Variants in RSPO2 observed in about 807,000 individuals in gnomAD.
RSPO2 encodes R-spondin-2.
A neutral mutation model predicts 30.9 loss-of-function variants in RSPO2; 14 were observed. The observed-to-expected ratio is 0.45, with a 90% CI of 0.30 to 0.71. The LOEUF (loss-of-function observed/expected upper bound fraction) is 0.71. RSPO2 is among the 30% of genes least tolerant of loss of function. The pLI is 0.08. For synonymous variants in RSPO2, 107 were observed against 96.4 expected (o/e 1.11, Z -0.64); for missense variants, 264 against 301.9 (o/e 0.87, Z 0.93).
intron 2 of RSPO2, among the ~76,000 whole-genome samples, chr8:108,015,728 C>T (rs1250408894): frequency 6.6e-6 from 1 of 152,096 alleles, no homozygotes; most frequent in Non-Finnish European, 1.5e-5. Context: ...CCACCAGCCC[C>T]ACTCCTTGTG....
rs35039484 is a variant in RSPO2 at position 107,935,813 on chromosome 8, A to AT, written c.616+22266dup. Among the ~76,000 whole-genome samples, 580 of 151,828 alleles carry AT rather than the reference A, an allele frequency of 3.8e-3. 4 individuals carry two copies. The highest frequency in any genetic ancestry group is 0.013 in the African/African-American group (559 of 41,408). ...GCATTTGGCAAATGGTGCAGACACC[A>AT]TTTTTTTTAAATCGATAACAAAATA... is the stretch of plus-strand genomic sequence containing the variant. On this transcript the variant is annotated intron_variant, in intron 5 of 5. Coordinates refer to ENST00000276659, the MANE Select transcript of RSPO2 (RefSeq NM_178565.5).
chr8:108,082,489 G>T (rs370029323), intron 2 of RSPO2, 56 bp downstream of exon 2: 5 of 1,367,034 alleles, frequency 3.7e-6, no homozygotes, highest in African/African-American at 1.4e-5. Flanking sequence ...GTGAGTGAGC[G>T]CCTCCACACG....
At chr8:108,065,289 GAAAAA>G (rs533689799) in intron 2 of RSPO2, among the ~76,000 whole-genome samples, 9 of 78,260 alleles carry the variant, frequency 1.2e-4, no homozygotes, top group Admixed American at 1.0e-3. Context: ...CTCAGAAATT[GAAAAA>G]AAAAAAAAAA....
intron 5 of RSPO2, among the ~76,000 whole-genome samples, chr8:107,938,371 C>A (rs1486111730): frequency 6.6e-6 from 1 of 152,132 alleles, no homozygotes. Flanking sequence ...TGAATTCCTA[C>A]AAGAATTACT....
intron 5 of RSPO2, among the ~76,000 whole-genome samples, chr8:107,902,023 C>CAGT (rs1811489686): frequency 6.6e-6 from 1 of 152,128 alleles, no homozygotes. Context: ...TATAGTTTTA[C>CAGT]AGTCTTACTT....
At chr8:107,912,464 G>T (rs1163788043) in intron 5 of RSPO2, among the ~76,000 whole-genome samples, 2 of 152,134 alleles carry the variant, frequency 1.3e-5, no homozygotes, top group Non-Finnish European at 2.9e-5. Flanking sequence ...ACACCCATGG[G>T]TACACACCCA....
rs1244908369 is a variant in RSPO2, at chr8:107,899,547, T to C, written c.*1528A>G. The C allele has an allele frequency of 1.3e-5, 2 of 152,588 alleles. No homozygotes were observed. The highest frequency in any genetic ancestry group is 4.8e-5 in the African/African-American group (2 of 41,436). 9.5% of individuals were successfully genotyped at this position (152,588 alleles called of 1,614,324 possible). On this transcript the variant is annotated 3_prime_UTR_variant, in exon 6 of 6. Transcript: ENST00000276659. ...ATAGCAATATTTTCATAACGATGTA[T>C]ATGATATTTATCCTTATTGGTAAGA...
chr8:108,029,615 A>G (rs978778457), intron 2 of RSPO2, among the ~76,000 whole-genome samples: 11 of 152,220 alleles, frequency 7.2e-5, no homozygotes, highest in African/African-American at 2.7e-4. Flanking sequence ...TACACTGCAA[A>G]GAATCTGCAA....
At chr8:108,005,245 C>T (rs1347615611) in intron 2 of RSPO2, among the ~76,000 whole-genome samples, 1 of 152,088 alleles carries the variant, frequency 6.6e-6, no homozygotes, top group Non-Finnish European at 1.5e-5. Flanking sequence ...ACTTTGATCA[C>T]TTGGTTAAGG....
At chr8:108,069,134 C>A (rs1812761515) in intron 2 of RSPO2, among the ~76,000 whole-genome samples, 1 of 152,022 alleles carries the variant, frequency 6.6e-6, no homozygotes, top group South Asian at 2.1e-4. Context: ...CAGAGTAAGT[C>A]AAAAATCAAT....
At chr8:108,054,091 G>C (rs766309468) in intron 2 of RSPO2, among the ~76,000 whole-genome samples, 2 of 152,134 alleles carry the variant, frequency 1.3e-5, no homozygotes, top group Non-Finnish European at 2.9e-5. Context: ...ACCTGCAACA[G>C]ACACTCTCCT....
intron 2 of RSPO2, among the ~76,000 whole-genome samples, chr8:107,999,338 T>C (rs1272336464): frequency 6.8e-6 from 1 of 147,910 alleles, no homozygotes; most frequent in African/African-American, 2.6e-5. Context: ...CAAATGAATA[T>C]TTTTAATGAC....
chr8:108,007,586 T>TACTTCATAATC (rs1221655571), intron 2 of RSPO2, among the ~76,000 whole-genome samples: 1 of 152,214 alleles, frequency 6.6e-6, no homozygotes. Context: ...TTCTTGCAGT[T>TACTTCATAATC]ACTTCATAAT....
At chr8:107,942,531 A>G (rs999521361) in intron 5 of RSPO2, among the ~76,000 whole-genome samples, 3 of 152,252 alleles carry the variant, frequency 2.0e-5, no homozygotes, top group Non-Finnish European at 4.4e-5. Context: ...AGCCTGAAAT[A>G]GCACTAGAAA....
chr8:107,975,725 G>A (rs562827519), intron 3 of RSPO2, among the ~76,000 whole-genome samples: 1 of 152,262 alleles, frequency 6.6e-6, no homozygotes, highest in South Asian at 2.1e-4. Flanking sequence ...CTGTGGCCCT[G>A]GTGAGGTCAC....
chr8:107,940,675 T>C (rs556008575), intron 5 of RSPO2, among the ~76,000 whole-genome samples: 54 of 152,268 alleles, frequency 3.5e-4, no homozygotes, highest in South Asian at 1.4e-3. Context: ...TAGCAAGCAA[T>C]GTAGATTCAA....
At chr8:108,075,512 C>A (rs2130732285) in intron 2 of RSPO2, among the ~76,000 whole-genome samples, 1 of 151,584 alleles carries the variant, frequency 6.6e-6, no homozygotes, top group African/African-American at 2.4e-5. Context: ...CCCACTACCA[C>A]CAGTTTTCCC....
At chr8:108,040,598 C>A (rs1194188323) in intron 2 of RSPO2, among the ~76,000 whole-genome samples, 1 of 152,088 alleles carries the variant, frequency 6.6e-6, no homozygotes, top group East Asian at 1.9e-4. Context: ...ATCTTCCAGG[C>A]ACTGAAAAGA....
chr8:108,017,014 C>CT lies in RSPO2; in HGVS notation c.95-27771dup, dbSNP rs113953146. Among the ~76,000 whole-genome samples, 396 of 148,526 alleles carry CT rather than the reference C, an allele frequency of 2.7e-3. 2 individuals are homozygous for CT. Among genetic ancestry groups the CT allele is most frequent in the African/African-American group, 8.5e-3 (345 of 40,536 alleles). ...CAGTCTCAGATATTTCTTTCTTTTT[C>CT]TTTTTTTTTTCTTTTTTTTTGAGAC... is the stretch of plus-strand genomic sequence containing the variant. On this transcript the variant is annotated intron_variant, in intron 2 of 5. Transcript: ENST00000276659.
Sources: allele counts gnomAD v4.1 joint callset (sites outside exome capture counted in the v4.1 genomes callset), GRCh38; gene constraint gnomAD v4.1.1; transcripts MANE v1.5; gene names NCBI Gene and HGNC (gene_info 2026-07-23, HGNC 2026-07-21).